PTPRM: variants seen among roughly 807,000 people sequenced by gnomAD.
PTPRM encodes protein tyrosine phosphatase receptor type M, also known as receptor-type tyrosine-protein phosphatase mu.
Under a neutral mutation model 186.7 loss-of-function variants are expected in PTPRM, and 47 were observed. The observed-to-expected ratio is 0.25, with a 90% CI of 0.20 to 0.32. The LOEUF (loss-of-function observed/expected upper bound fraction) is 0.32, where lower values mean the gene tolerates loss of function less well. PTPRM is among the 10% of genes least tolerant of loss of function. PTPRM has a pLI of 1.00. For missense variants in PTPRM, 1,494 were observed against 1,865.0 expected, an observed-to-expected ratio of 0.80 and a Z score of 3.66; for synonymous variants, 668 against 674.9, an observed-to-expected ratio of 0.99 and a Z score of 0.16.
chr18:7,929,540 G>C (rs2051358661), intron 5 of PTPRM, among the ~76,000 whole-genome samples: 1 of 152,162 alleles, frequency 6.6e-6, no homozygotes, highest in South Asian at 2.1e-4. Flanking sequence ...TTTGGTTAGT[G>C]AATCTTTGTG....
At chr18:7,966,675 G>C (rs556320720) in intron 7 of PTPRM, among the ~76,000 whole-genome samples, 98 of 148,092 alleles carry the variant, frequency 6.6e-4, no homozygotes, top group Middle Eastern at 6.9e-3. Context: ...TTCCCTTTCC[G>C]AGTCAAAGAA....
At chr18:8,184,218 G>T (rs192671573) in intron 14 of PTPRM, among the ~76,000 whole-genome samples, 14 of 152,228 alleles carry the variant, frequency 9.2e-5, no homozygotes, top group Non-Finnish European at 1.8e-4. Context: ...ACAATCTTTG[G>T]TCTTGAGCTC....
At chr18:7,998,006 T>C (rs542695288) in intron 7 of PTPRM, among the ~76,000 whole-genome samples, 1 of 152,262 alleles carries the variant, frequency 6.6e-6, no homozygotes, top group Admixed American at 6.5e-5. Flanking sequence ...TACTGTATAA[T>C]ACAGCAGTCC....
chr18:7,585,386 A>G (rs2036952916), intron 1 of PTPRM, among the ~76,000 whole-genome samples: 1 of 152,304 alleles, frequency 6.6e-6, no homozygotes, highest in African/African-American at 2.4e-5. Context: ...TGGAAATTGC[A>G]GAGAGGAACG....
chr18:7,772,373 T>TTCTTTCTTTCTTTCTTTC (rs1568108351), intron 1 of PTPRM, among the ~76,000 whole-genome samples: 5 of 123,450 alleles, frequency 4.1e-5, no homozygotes, highest in African/African-American at 1.5e-4. Flanking sequence ...CTTTCTTTCT[T>TTCTTTCTTTCTTTCTTTC]TCTTTCTTTC....
intron 2 of PTPRM, among the ~76,000 whole-genome samples, chr18:7,859,548 G>A (rs1436734657): frequency 6.6e-6 from 1 of 152,310 alleles, no homozygotes; most frequent in East Asian, 1.9e-4. Flanking sequence ...CTCCTATTCT[G>A]ACCCCCAGGC....
chr18:8,034,227 C>A (rs1376586447), intron 7 of PTPRM, among the ~76,000 whole-genome samples: 1 of 151,966 alleles, frequency 6.6e-6, no homozygotes, highest in East Asian at 1.9e-4. Context: ...ACTCAGCCAA[C>A]CCTCTGACCC....
At chr18:7,926,531 C>A in intron 4 of PTPRM, 37 bp from the exon 5 acceptor site, 1 of 1,509,908 alleles carries the variant, frequency 6.6e-7, no homozygotes, top group East Asian at 2.3e-5. Flanking sequence ...TTACAAATCT[C>A]CACTTTTAAT....
At chr18:7,707,795 A>T (rs1598409659) in intron 1 of PTPRM, among the ~76,000 whole-genome samples, 2 of 152,206 alleles carry the variant, frequency 1.3e-5, no homozygotes, top group East Asian at 3.8e-4. Flanking sequence ...TCTAACAGTA[A>T]CTTGGTATGT....
chr18:7,618,909 A>G (rs138200642), intron 1 of PTPRM, among the ~76,000 whole-genome samples: 3 of 152,346 alleles, frequency 2.0e-5, no homozygotes, highest in East Asian at 1.9e-4. Flanking sequence ...ATGTTTACCT[A>G]TAATTCTTTT....
At chr18:8,350,031 G>A (rs2095526102) in intron 23 of PTPRM, among the ~76,000 whole-genome samples, 1 of 152,192 alleles carries the variant, frequency 6.6e-6, no homozygotes, top group Admixed American at 6.5e-5. Context: ...TGAAGGTTCA[G>A]GGCCTGTCGG....
intron 1 of PTPRM, among the ~76,000 whole-genome samples, chr18:7,686,216 C>T (rs989391952): frequency 2.0e-5 from 3 of 152,054 alleles, no homozygotes; most frequent in Non-Finnish European, 4.4e-5. Flanking sequence ...AGGGATAAAT[C>T]CATCAAAATG....
At position 8,331,004 on chromosome 18, in the gene PTPRM, T is replaced by C. The variant is rs60277142; in HGVS notation, c.2956+11790T>C. On this transcript the variant is annotated intron_variant, in intron 22 of 32. Transcript: ENST00000580170. ...TACCCCCATTTTATTCTTTTCTATA[T>C]TAGAGATCCTCTTTGGTGCCCTAAT... Among the ~76,000 whole-genome samples, 384 of 152,300 alleles carry C rather than the reference T, an allele frequency of 2.5e-3. 2 individuals are homozygous for C. Among genetic ancestry groups the C allele is most frequent in the African/African-American group, 9.0e-3 (374 of 41,564 alleles).
intron 5 of PTPRM, among the ~76,000 whole-genome samples, chr18:7,931,701 A>G (rs1448040347): frequency 6.6e-6 from 1 of 152,180 alleles, no homozygotes; most frequent in Non-Finnish European, 1.5e-5. Flanking sequence ...AAATAAATAA[A>G]TAATTTTTGT....
intron 9 of PTPRM, among the ~76,000 whole-genome samples, chr18:8,080,532 C>T (rs1043937443): frequency 6.6e-6 from 1 of 152,100 alleles, no homozygotes; most frequent in Admixed American, 6.6e-5. Flanking sequence ...GTATCAAGTG[C>T]AGTTTTGGTT....
chr18:8,231,724 CTA>C (rs1479718339), intron 14 of PTPRM, among the ~76,000 whole-genome samples: 1 of 152,170 alleles, frequency 6.6e-6, no homozygotes, highest in Non-Finnish European at 1.5e-5. Flanking sequence ...AGTTTTTGAG[CTA>C]TGACAGTTTT....
chr18:8,403,188 T>C (rs1307954678), intron 32 of PTPRM: 1 of 152,194 alleles, frequency 6.6e-6, no homozygotes, highest in African/African-American at 2.4e-5. Flanking sequence ...GGATTCATGT[T>C]TCCTATGTCA....
At chr18:7,946,954 A>T in intron 5 of PTPRM, 1 of 456,182 alleles carries the variant, frequency 2.2e-6, no homozygotes. Flanking sequence ...CTGACTGCCT[A>T]TGGGAACCCT....
chr18:7,683,974 A>G (rs913719038), intron 1 of PTPRM, among the ~76,000 whole-genome samples: 8 of 152,128 alleles, frequency 5.3e-5, no homozygotes, highest in Non-Finnish European at 2.9e-5. Flanking sequence ...TTTCAAGGCT[A>G]TCTGCCTGCC....
Sources: allele counts gnomAD v4.1 joint callset (sites outside exome capture counted in the v4.1 genomes callset), GRCh38; gene constraint gnomAD v4.1.1; transcripts MANE v1.5; gene names NCBI Gene and HGNC (gene_info 2026-07-23, HGNC 2026-07-21).